MTG2: variants seen among roughly 807,000 people sequenced by gnomAD.
MTG2 encodes mitochondrial ribosome associated GTPase 2.
In MTG2, 23 loss-of-function variants were observed where a neutral mutation model predicts 28.6. That is an observed-to-expected ratio of 0.80 (90% CI 0.58 to 1.14). The LOEUF (loss-of-function observed/expected upper bound fraction) is 1.14. Among genes scored for constraint, MTG2 ranks in the 50% most tolerant of loss-of-function variants. MTG2 has a pLI of 0.00. For synonymous variants in MTG2, 260 were observed against 251.8 expected (o/e 1.03, Z -0.31); for missense variants, 539 against 552.0 (o/e 0.98, Z 0.24).
chr20:62,186,019 T>G (rs2057836817), intron 1 of MTG2, among the ~76,000 whole-genome samples: 2 of 152,196 alleles, frequency 1.3e-5, no homozygotes, highest in African/African-American at 4.8e-5. Context: ...CTGCGGTTGA[T>G]CTGCAGGTTC....
intron 1 of MTG2, chr20:62,188,813 G>GA (rs2057899647): frequency 6.6e-6 from 1 of 151,790 alleles, no homozygotes; most frequent in Non-Finnish European, 1.5e-5. Flanking sequence ...GAGGTTTGTT[G>GA]ACCCCACAGA....
At chr20:62,188,508 AT>A (rs1192106476) in intron 1 of MTG2, among the ~76,000 whole-genome samples, 132 of 89,728 alleles carry the variant, frequency 1.5e-3, no homozygotes, top group East Asian at 3.6e-3. Flanking sequence ...TAATCAGCTA[AT>A]TTTTTTTTTT....
chr20:62,193,337 A>G lies in MTG2; in HGVS notation c.-5-79A>G, dbSNP rs182519886. ...AGAAACGTGCACAAAGACCTGCTGC[A>G]TGAGGCCCTCGTCTTCAGTTTCTGT... is the stretch of plus-strand genomic sequence containing the variant. On this transcript the variant is annotated intron_variant, in intron 1 of 6. Coordinates refer to ENST00000370823, the MANE Select transcript of MTG2 (RefSeq NM_015666.4). 6.3e-5 allele frequency: 86 copies of G among 1,357,876 alleles called. No individual in the cohort carries two copies. The African/African-American group carries it at 1.0e-3, about 16-fold the overall frequency. The allele number at this position is 1,357,876 out of a possible 1,614,324, so 84.1% of individuals were successfully genotyped here.
rs1159792646 is a variant in MTG2 at position 62,203,287 on chromosome 20, G to A, written c.*2210G>A. ...CTCTGGGGACATGCCCTCGTCCTTT[G>A]CTGAAGCTGAGGCTCCAGAGGGGGA... On this transcript the variant is annotated 3_prime_UTR_variant, in exon 7 of 7. Transcript: ENST00000370823. 6.6e-6 allele frequency: 1 copy of A among 152,214 alleles called. No homozygotes were observed. Among genetic ancestry groups the A allele is most frequent in the East Asian group, 1.9e-4 (1 of 5,184 alleles). 9.4% of individuals were successfully genotyped at this position (152,214 alleles called of 1,614,324 possible).
intron 1 of MTG2, among the ~76,000 whole-genome samples, chr20:62,191,960 T>TA (rs748337509): frequency 6.6e-6 from 1 of 152,198 alleles, no homozygotes; most frequent in African/African-American, 2.4e-5. Context: ...AGCTGGCACT[T>TA]AGAGTCTGCA....
At position 62,193,318 on chromosome 20, in the gene MTG2, G is replaced by A. The variant is rs190294498; in HGVS notation, c.-5-98G>A. On this transcript the variant is annotated intron_variant, in intron 1 of 6. Coordinates refer to ENST00000370823, the MANE Select transcript of MTG2 (RefSeq NM_015666.4). ...CAGTTCACTTGTTTGTTTCAGAAACGTGCACAAAGACCTGCTGCATGAGGC... is the reference window on the plus strand; with the variant it reads ...CAGTTCACTTGTTTGTTTCAGAAACATGCACAAAGACCTGCTGCATGAGGC... 565 of 1,187,058 alleles carry A rather than the reference G, an allele frequency of 4.8e-4. 6 individuals are homozygous for A. In the South Asian group the frequency reaches 6.8e-3, roughly 14 times the overall value. The allele number at this position is 1,187,058 out of a possible 1,614,324, so 73.5% of individuals were successfully genotyped here. A position where few individuals can be genotyped will look rare whatever the true frequency, so the allele number is the denominator to read the frequency against.
rs778789327 is a variant in MTG2 at position 62,198,002 on chromosome 20, G to A, written c.468+35G>A. 74 of 1,587,338 alleles carry A rather than the reference G, an allele frequency of 4.7e-5. No individual in the cohort carries two copies. In the Admixed American group the frequency reaches 7.5e-4, roughly 16 times the overall value. On this transcript the variant is annotated intron_variant, in intron 4 of 6. Transcript: ENST00000370823. ...GACTGCCGGACCTGGCCCTGTCCCC[G>A]TTGTTCTGGATCATCCAGCTCCTGG...
intron 1 of MTG2, among the ~76,000 whole-genome samples, chr20:62,183,601 TGA>T (rs1353996280): frequency 1.3e-5 from 2 of 152,152 alleles, no homozygotes; most frequent in Non-Finnish European, 2.9e-5. Flanking sequence ...TTCTGCCCAG[TGA>T]GAGCGGGTTA....
At chr20:62,196,032 G>A (rs1358191211) in intron 3 of MTG2, 83 bp downstream of exon 3, 3 of 1,525,118 alleles carry the variant, frequency 2.0e-6, no homozygotes, top group African/African-American at 2.7e-5. Flanking sequence ...CTGATGTATG[G>A]GCAGGCACAG....
Position 62,203,002 on chromosome 20 carries a change from A to G in MTG2, c.*1925A>G, listed in dbSNP as rs2058200064. 1 of 152,244 alleles carries G rather than the reference A, an allele frequency of 6.6e-6. No homozygotes were observed. Among genetic ancestry groups the G allele is most frequent in the African/African-American group, 2.4e-5 (1 of 41,472 alleles). 9.4% of individuals were successfully genotyped at this position (152,244 alleles called of 1,614,324 possible). Reference sequence around the variant, plus strand: ...TGACAGTCCTTTTACCCGAAGCTTTATTTTAATGTCTTATAATTTCAAAGG... The same window carrying G: ...TGACAGTCCTTTTACCCGAAGCTTTGTTTTAATGTCTTATAATTTCAAAGG... On this transcript the variant is annotated 3_prime_UTR_variant, in exon 7 of 7. Coordinates refer to ENST00000370823, the MANE Select transcript of MTG2 (RefSeq NM_015666.4).
chr20:62,183,693 G>A (rs923654215), intron 1 of MTG2, among the ~76,000 whole-genome samples: 3 of 152,200 alleles, frequency 2.0e-5, no homozygotes, highest in African/African-American at 7.2e-5. Context: ...GTGGGAATTA[G>A]AGGGGTTGTT....
At chr20:62,193,657 T>C (rs747073175) in intron 2 of MTG2, 33 bp downstream of exon 2, 1 of 1,570,960 alleles carries the variant, frequency 6.4e-7, no homozygotes, top group Non-Finnish European at 8.6e-7. Flanking sequence ...AGCTTGCCTG[T>C]CTCCTCCTCA....
chr20:62,197,830 G>A (rs41302557), intron 3 of MTG2, 22 bp from the exon 4 acceptor site: 22,470 of 1,604,464 alleles, frequency 0.014, 217 homozygotes, highest in Non-Finnish European at 0.016. Context: ...CAAAGGGACT[G>A]AGATTCTTGT....
rs1209838775 is a variant in MTG2 at position 62,183,916 on chromosome 20, C to CCTCAGTGAGAAGATTCCTG, written c.-6+861_-6+879dup. Among the ~76,000 whole-genome samples the CCTCAGTGAGAAGATTCCTG allele has an allele frequency of 3.9e-5, 6 of 152,184 alleles. No individual in the cohort carries two copies. In the East Asian group the frequency reaches 1.2e-3, roughly 29 times the overall value. ...CCCTTGGGAAGTCTGTGTAGGCGAA[C>CCTCAGTGAGAAGATTCCTG]CTCAGTGAGAAGATTCCTGCCGTAA... is the stretch of plus-strand genomic sequence containing the variant. On this transcript the variant is annotated intron_variant, in intron 1 of 6. Transcript: ENST00000370823.
At chr20:62,195,144 C>G (rs570959704) in intron 2 of MTG2, among the ~76,000 whole-genome samples, 2 of 152,044 alleles carry the variant, frequency 1.3e-5, no homozygotes, top group East Asian at 3.9e-4. Flanking sequence ...TGCAGTGAGC[C>G]GAGATCCCAC....
chr20:62,200,146 CCT>C (rs2058139086), intron 6 of MTG2: 2 of 152,386 alleles, frequency 1.3e-5, no homozygotes, highest in South Asian at 4.1e-4. Flanking sequence ...CTATTTGTCC[CCT>C]CTCATCTGTG....
At chr20:62,193,762 A>C in intron 2 of MTG2, 138 bp downstream of exon 2, 1 of 845,490 alleles carries the variant, frequency 1.2e-6, no homozygotes. Flanking sequence ...GAGCTTCTTG[A>C]AAATGACAGG....
intron 1 of MTG2, among the ~76,000 whole-genome samples, chr20:62,189,565 A>G (rs1341401492): frequency 1.3e-5 from 2 of 151,944 alleles, no homozygotes; most frequent in East Asian, 1.9e-4. Context: ...TTGGCCTCCT[A>G]CAGTGCTGGG....
rs2058170602 is a variant in MTG2, at chr20:62,201,484, A to G, written c.*407A>G. The G allele has an allele frequency of 5.6e-6, 1 of 179,648 alleles. No homozygotes were observed. Among genetic ancestry groups the G allele is most frequent in the Non-Finnish European group, 1.2e-5 (1 of 85,600 alleles). 11.1% of individuals were successfully genotyped at this position (179,648 alleles called of 1,614,324 possible). On this transcript the variant is annotated 3_prime_UTR_variant, in exon 7 of 7. Transcript: ENST00000370823. ...AAGTGCAGACCAGGGTTCTCAGCAC[A>G]GTGCCCGTCGTGCTTCCATGGCTTG...
Sources: gnomAD v4.1 joint callset for allele counts (sites outside exome capture counted in the v4.1 genomes callset) on GRCh38, gnomAD v4.1.1 for gene constraint, MANE v1.5 for transcripts, NCBI Gene and HGNC (gene_info 2026-07-23, HGNC 2026-07-21) for gene names.